The following THSD4 variants were observed in gnomAD, a reference collection of about 807,000 sequenced individuals.
THSD4 encodes the protein thrombospondin type-1 domain-containing protein 4.
In THSD4, 69 loss-of-function variants were observed where a neutral mutation model predicts 119.0. The observed-to-expected ratio is 0.58, with a 90% CI of 0.48 to 0.71. THSD4 has a LOEUF of 0.71. Ranked by LOEUF, THSD4 falls within the 30% of genes least tolerant of loss-of-function variation. The pLI is 0.00. For synonymous variants in THSD4, 524 were observed against 540.4 expected, an observed-to-expected ratio of 0.97 and a Z score of 0.42; for missense variants, 1,393 against 1,391.1, an observed-to-expected ratio of 1.00 and a Z score of -0.02.
intron 7 of THSD4, among the ~76,000 whole-genome samples, chr15:71,461,903 G>T (rs992849389): frequency 7.2e-5 from 11 of 151,856 alleles, no homozygotes; most frequent in Non-Finnish European, 1.3e-4. Flanking sequence ...ATCCTGGAGT[G>T]CAGGCCAGGT....
chr15:71,331,721 C>T lies in THSD4; in HGVS notation c.1015+75006C>T, dbSNP rs192010222. 3.5e-3 allele frequency among the ~76,000 whole-genome samples: 539 copies of T among 152,244 alleles called. 3 individuals carry two copies. Among genetic ancestry groups the T allele is most frequent in the Non-Finnish European group, 5.5e-3 (373 of 68,008 alleles). ...CTGCTTCACAGGGAACACCTCAGGGCCCATCTCCAGGACTTTTTGTGGAGG... is the reference window on the plus strand; with the variant it reads ...CTGCTTCACAGGGAACACCTCAGGGTCCATCTCCAGGACTTTTTGTGGAGG... On this transcript the variant is annotated intron_variant, in intron 6 of 17. Coordinates refer to ENST00000261862, the MANE Select transcript of THSD4 (RefSeq NM_024817.3).
At chr15:71,373,884 G>C (rs1393568315) in intron 6 of THSD4, among the ~76,000 whole-genome samples, 2 of 152,206 alleles carry the variant, frequency 1.3e-5, no homozygotes, top group Non-Finnish European at 2.9e-5. Context: ...AATGCTGCAT[G>C]ATGGTCCCTG....
intron 5 of THSD4, among the ~76,000 whole-genome samples, chr15:71,255,591 G>A (rs1055258303): frequency 1.3e-5 from 2 of 152,148 alleles, no homozygotes; most frequent in African/African-American, 4.8e-5. Flanking sequence ...TGATTGTTTT[G>A]CATGCAGAAG....
At position 71,737,776 on chromosome 15, in the gene THSD4, G is replaced by A; in HGVS notation, c.1675G>A (p.Glu559Lys). Residue 559 changes from glutamate (E) to lysine (K), a missense_variant, in exon 11 of 18, where the codon GAG (glutamate) becomes AAG (lysine). By Grantham distance (56) the Glu-to-Lys change is moderately conservative. Coordinates refer to ENST00000261862, the MANE Select transcript of THSD4 (RefSeq NM_024817.3). ...GQMVTEGRSQ[E>K]EGEQKGRNEE... is the part of the protein sequence containing the mutation. The stretch of plus-strand genomic sequence containing the variant: ...GATGGTGACAGAAGGCAGGAGCCAG[G>A]AGGAGGGAGAACAGAAAGGGAGGAA... The A allele has an allele frequency of 1.2e-6, 2 of 1,613,962 alleles. No homozygotes were observed. Among genetic ancestry groups the A allele is most frequent in the African/African-American group, 1.3e-5 (1 of 75,072 alleles).
intron 1 of THSD4, among the ~76,000 whole-genome samples, chr15:71,130,862 A>C (rs2040497274): frequency 6.6e-6 from 1 of 152,118 alleles, no homozygotes; most frequent in Non-Finnish European, 1.5e-5. Context: ...CTCCTGCCTC[A>C]GTCTCCCGAG....
At chr15:71,357,029 C>A (rs1277839750) in intron 6 of THSD4, among the ~76,000 whole-genome samples, 1 of 152,154 alleles carries the variant, frequency 6.6e-6, no homozygotes, top group African/African-American at 2.4e-5. Context: ...AAGAGCATAT[C>A]AATGTCAGTG....
At chr15:71,577,227 G>A (rs1221552061) in intron 7 of THSD4, among the ~76,000 whole-genome samples, 10 of 152,164 alleles carry the variant, frequency 6.6e-5, no homozygotes, top group Non-Finnish European at 2.9e-5. Context: ...ATCTCTTGCA[G>A]TTTCTCTCGA....
chr15:71,329,548 GT>G (rs1483152879), intron 6 of THSD4, among the ~76,000 whole-genome samples: 2 of 152,226 alleles, frequency 1.3e-5, no homozygotes, highest in African/African-American at 4.8e-5. Flanking sequence ...GCGAATGTCT[GT>G]TGAGTGGAAA....
At chr15:71,464,362 C>G (rs535974040) in intron 7 of THSD4, among the ~76,000 whole-genome samples, 1 of 152,276 alleles carries the variant, frequency 6.6e-6, no homozygotes, top group South Asian at 2.1e-4. Flanking sequence ...TGCTGGTAAT[C>G]CAGTACTGTG....
At chr15:71,158,068 T>C (rs2040797867) in intron 3 of THSD4, among the ~76,000 whole-genome samples, 1 of 152,022 alleles carries the variant, frequency 6.6e-6, no homozygotes, top group Non-Finnish European at 1.5e-5. Flanking sequence ...CTACTGTTGT[T>C]CATGGTGGCT....
chr15:71,393,276 G>A (rs1295511682), intron 6 of THSD4, among the ~76,000 whole-genome samples: 1 of 152,050 alleles, frequency 6.6e-6, no homozygotes. Flanking sequence ...TCTGCCTACA[G>A]AGAGGGCCTG....
In THSD4 at chr15:71,419,306, G is replaced by GT. The variant is rs2046786504; in HGVS notation, c.1152+7485dup. 1.9e-5 allele frequency among the ~76,000 whole-genome samples: 2 copies of GT among 105,702 alleles called. 1 individual carries two copies. Among genetic ancestry groups the GT allele is most frequent in the South Asian group, 6.0e-4 (2 of 3,312 alleles). The allele number at this position is 105,702 out of a possible 152,430, so 69.3% of individuals were successfully genotyped here. A position where few individuals can be genotyped will look rare whatever the true frequency, so the allele number is the denominator to read the frequency against. The stretch of plus-strand genomic sequence containing the variant: ...CAGCCTTGACCTCCAGGATCAAGCA[G>GT]TTCCCCCAGCTCAGCCTCCTGGGTA... On this transcript the variant is annotated intron_variant, in intron 7 of 17. Transcript: ENST00000261862.
intron 6 of THSD4, among the ~76,000 whole-genome samples, chr15:71,332,665 G>C (rs1019257958): frequency 6.6e-6 from 1 of 152,074 alleles, no homozygotes; most frequent in African/African-American, 2.4e-5. Flanking sequence ...ACAGGCTTAA[G>C]ATAGGGACCA....
chr15:71,759,687 T>G (rs2053599055), intron 15 of THSD4, among the ~76,000 whole-genome samples: 1 of 152,196 alleles, frequency 6.6e-6, no homozygotes, highest in Admixed American at 6.5e-5. Context: ...ATCATTACAG[T>G]CACACACGTG....
intron 11 of THSD4, among the ~76,000 whole-genome samples, chr15:71,739,088 C>T (rs1223186052): frequency 6.9e-6 from 1 of 145,150 alleles, no homozygotes; most frequent in African/African-American, 2.5e-5. Context: ...TCTCAAATCT[C>T]AGGATTTCAG....
intron 6 of THSD4, among the ~76,000 whole-genome samples, chr15:71,293,376 T>C (rs1013861057): frequency 6.6e-6 from 1 of 152,200 alleles, no homozygotes; most frequent in African/African-American, 2.4e-5. Context: ...TGGGTGCCCC[T>C]TGCCCTGAGC....
intron 7 of THSD4, among the ~76,000 whole-genome samples, chr15:71,541,981 T>G (rs796198034): frequency 6.6e-6 from 1 of 152,186 alleles, no homozygotes; most frequent in Non-Finnish European, 1.5e-5. Context: ...AGTCTTGTAA[T>G]TGTCATATGA....
chr15:71,474,998 C>T (rs75769330), intron 7 of THSD4, among the ~76,000 whole-genome samples: 1,798 of 152,298 alleles, frequency 0.012, 23 homozygotes, highest in South Asian at 0.047. Context: ...TCCAGGCCCA[C>T]CCCAGACCGA....
chr15:71,360,693 A>G (rs1287306357), intron 6 of THSD4, among the ~76,000 whole-genome samples: 3 of 152,194 alleles, frequency 2.0e-5, no homozygotes, highest in African/African-American at 7.2e-5. Context: ...TCATGTATTC[A>G]TAGATCCAAG....
Sources: gnomAD v4.1 joint callset for allele counts (sites outside exome capture counted in the v4.1 genomes callset) on GRCh38, gnomAD v4.1.1 for gene constraint, MANE v1.5 for transcripts, NCBI Gene and HGNC (gene_info 2026-07-23, HGNC 2026-07-21) for gene names.